Variants in CACNA2D3 observed in about 807,000 individuals in gnomAD.
The protein encoded by CACNA2D3 is voltage-dependent calcium channel subunit alpha-2/delta-3.
In CACNA2D3, 60 loss-of-function variants were observed where a neutral mutation model predicts 160.6. That is an observed-to-expected ratio of 0.37 (90% CI 0.30 to 0.46). CACNA2D3 has a LOEUF of 0.46. Ranked by LOEUF, CACNA2D3 falls within the 20% of genes least tolerant of loss-of-function variation. The pLI is 1.00. For synonymous variants in CACNA2D3, 558 were observed against 492.9 expected (o/e 1.13, Z -1.75); for missense variants, 1,205 against 1,365.0 (o/e 0.88, Z 1.85).
intron 10 of CACNA2D3, among the ~76,000 whole-genome samples, chr3:54,631,203 A>AACAC (rs67944483): frequency 0.25 from 35,993 of 145,676 alleles, 4,564 homozygotes; most frequent in Non-Finnish European, 0.3. Flanking sequence ...GACTCCATCA[A>AACAC]ACACACACAC....
intron 14 of CACNA2D3, among the ~76,000 whole-genome samples, chr3:54,829,248 T>C (rs533631274): frequency 6.6e-6 from 1 of 152,310 alleles, no homozygotes; most frequent in East Asian, 1.9e-4. Context: ...TCTGTATCTC[T>C]ACTGGGGGTG....
chr3:54,626,684 CAAAAAAAAAAAA>C (rs71096430), intron 9 of CACNA2D3: 139 of 318,204 alleles, frequency 4.4e-4, no homozygotes, highest in Middle Eastern at 2.6e-3. Context: ...TGGTTCCAGT[CAAAAAAAAAAAA>C]AAAAAAAAAA....
chr3:54,669,613 T>C lies in CACNA2D3; in HGVS notation c.1167+27372T>C, dbSNP rs139554315. On this transcript the variant is annotated intron_variant, in intron 11 of 37. Transcript: ENST00000474759. The stretch of plus-strand genomic sequence containing the variant: ...ATATTTAGAACCTAAAGGATGATGT[T>C]TAGAGATCAAAAATGTTAATCGTCT... 2.0e-5 allele frequency among the ~76,000 whole-genome samples: 3 copies of C among 152,260 alleles called. No individual in the cohort carries two copies. The East Asian group carries it at 5.8e-4, about 29-fold the overall frequency.
chr3:54,805,143 T>A (rs966199489), intron 13 of CACNA2D3, among the ~76,000 whole-genome samples: 13 of 151,904 alleles, frequency 8.6e-5, no homozygotes, highest in Non-Finnish European at 1.9e-4. Context: ...TTAAAAGAAC[T>A]GGAAAAGCAA....
chr3:54,171,443 A>T (rs1430069690), intron 2 of CACNA2D3, among the ~76,000 whole-genome samples: 1 of 152,098 alleles, frequency 6.6e-6, no homozygotes. Flanking sequence ...CCCTAAGTAA[A>T]TCACTGTCAC....
intron 2 of CACNA2D3, among the ~76,000 whole-genome samples, chr3:54,214,049 ATATCT>A (rs1381962843): frequency 6.6e-6 from 1 of 152,126 alleles, no homozygotes; most frequent in Non-Finnish European, 1.5e-5. Flanking sequence ...ATTTGCTGAG[ATATCT>A]TAGTTGCTGG....
chr3:55,049,399 G>A (rs1220273323), intron 35 of CACNA2D3, among the ~76,000 whole-genome samples: 1 of 137,448 alleles, frequency 7.3e-6, no homozygotes, highest in Non-Finnish European at 1.5e-5. Flanking sequence ...CAGTTTCCAT[G>A]TAGTTGAGCG....
intron 27 of CACNA2D3, among the ~76,000 whole-genome samples, chr3:54,900,906 G>A (rs544519359): frequency 1.3e-5 from 2 of 152,300 alleles, no homozygotes; most frequent in African/African-American, 4.8e-5. Flanking sequence ...GAAAGATCTG[G>A]GGGTAGTTGC....
intron 4 of CACNA2D3, among the ~76,000 whole-genome samples, chr3:54,478,837 C>A (rs1404436525): frequency 2.0e-5 from 3 of 150,034 alleles, no homozygotes; most frequent in African/African-American, 7.3e-5. Context: ...GTTCAGATAA[C>A]CCTTATTTTA....
At chr3:54,735,597 C>G (rs1275851793) in intron 11 of CACNA2D3, among the ~76,000 whole-genome samples, 1 of 152,038 alleles carries the variant, frequency 6.6e-6, no homozygotes, top group Non-Finnish European at 1.5e-5. Flanking sequence ...CATCTTTATG[C>G]CCATGAGCTC....
chr3:55,051,459 C>A (rs566023684), intron 35 of CACNA2D3, among the ~76,000 whole-genome samples: 1 of 152,076 alleles, frequency 6.6e-6, no homozygotes, highest in African/African-American at 2.4e-5. Context: ...GCAGTCTGCC[C>A]TTTCTCAGAT....
chr3:55,055,318 T>C (rs964878740), intron 35 of CACNA2D3, among the ~76,000 whole-genome samples: 1 of 152,118 alleles, frequency 6.6e-6, no homozygotes, highest in Admixed American at 6.5e-5. Flanking sequence ...GAGACTGTCC[T>C]TTTCTCAGTG....
intron 9 of CACNA2D3, among the ~76,000 whole-genome samples, chr3:54,601,872 A>C (rs1703065817): frequency 1.3e-5 from 2 of 152,056 alleles, no homozygotes; most frequent in South Asian, 4.2e-4. Context: ...GATGTTTGAC[A>C]CTGGCTAATT....
chr3:54,836,635 T>C (rs1397223565), intron 14 of CACNA2D3, among the ~76,000 whole-genome samples: 2 of 152,194 alleles, frequency 1.3e-5, no homozygotes, highest in Non-Finnish European at 2.9e-5. Flanking sequence ...TTTATTTGTT[T>C]TCCATCTGGG....
chr3:54,400,005 C>T lies in CACNA2D3; in HGVS notation c.381+13231C>T, dbSNP rs1425177349. On this transcript the variant is annotated intron_variant, in intron 4 of 37. Transcript: ENST00000474759. ...AGGTGTGGGATATAGTCTCGTGGTG[C>T]GCCGTTTTTTAAGCCGGTCTGAAAA... is the stretch of plus-strand genomic sequence containing the variant. Among the ~76,000 whole-genome samples the T allele has an allele frequency of 1.6e-3, 194 of 121,046 alleles. 4 individuals carry two copies. The highest frequency in any genetic ancestry group is 5.6e-3 in the African/African-American group (173 of 30,740). The allele number at this position is 121,046 out of a possible 152,430, so 79.4% of individuals were successfully genotyped here.
chr3:54,257,700 GT>G (rs1171430918), intron 2 of CACNA2D3, among the ~76,000 whole-genome samples: 4 of 152,150 alleles, frequency 2.6e-5, no homozygotes, highest in African/African-American at 9.7e-5. Flanking sequence ...CCTTAAGAGT[GT>G]TTCAATGAGT....
intron 9 of CACNA2D3, among the ~76,000 whole-genome samples, chr3:54,591,697 C>A (rs1265757798): frequency 6.6e-6 from 1 of 150,870 alleles, no homozygotes; most frequent in African/African-American, 2.4e-5. Flanking sequence ...TATCTGAGTC[C>A]AGGGTTGGCA....
chr3:54,469,567 A>T (rs1053522315), intron 4 of CACNA2D3, among the ~76,000 whole-genome samples: 3 of 152,126 alleles, frequency 2.0e-5, no homozygotes, highest in East Asian at 1.9e-4. Flanking sequence ...ACAAAACTGG[A>T]TGGAGAATGA....
chr3:54,440,373 T>G (rs1294712328), intron 4 of CACNA2D3, among the ~76,000 whole-genome samples: 1 of 152,182 alleles, frequency 6.6e-6, no homozygotes, highest in East Asian at 1.9e-4. Context: ...TTCAAACTGC[T>G]TTTATTAGCA....
Sources: allele counts gnomAD v4.1 joint callset (sites outside exome capture counted in the v4.1 genomes callset), GRCh38; gene constraint gnomAD v4.1.1; transcripts MANE v1.5; gene names NCBI Gene and HGNC (gene_info 2026-07-23, HGNC 2026-07-21).